Variants in NF1 observed in about 807,000 individuals in gnomAD.
NF1 encodes neurofibromin 1.
Under a neutral mutation model 325.7 loss-of-function variants are expected in NF1, and 122 were observed. The ratio of observed to expected loss-of-function variants is 0.37; its 90% CI spans 0.32 to 0.44. The LOEUF (loss-of-function observed/expected upper bound fraction) is 0.44. Ranked by LOEUF, NF1 falls within the 20% of genes least tolerant of loss-of-function variation. NF1 has a pLI of 1.00. For missense variants in NF1, 2,140 were observed against 3,415.4 expected (o/e 0.63, Z 9.31); for synonymous variants, 1,091 against 1,186.0 (o/e 0.92, Z 1.65).
rs539752081 is a variant in NF1, at chr17:31,126,011, C to A, written c.61-29972C>A. On this transcript the variant is annotated intron_variant, in intron 1 of 57. Coordinates refer to ENST00000358273, the MANE Select transcript of NF1 (RefSeq NM_001042492.3). The stretch of plus-strand genomic sequence containing the variant: ...GCCAGCCTGGCCAACGTGGTAAAAC[C>A]CGGTCTCTACTAAAAAATACAAAAA... 2.6e-4 allele frequency among the ~76,000 whole-genome samples: 39 copies of A among 152,146 alleles called. 1 individual carries two copies. In the South Asian group the frequency reaches 8.1e-3, roughly 32 times the overall value.
chr17:31,142,798 C>T (rs1221472457), intron 1 of NF1, among the ~76,000 whole-genome samples: 4 of 151,104 alleles, frequency 2.6e-5, no homozygotes, highest in African/African-American at 9.8e-5. Flanking sequence ...ACCCGGGAGG[C>T]GGAGCTTGCA....
chr17:31,227,216 AG>A lies in NF1; in HGVS notation c.2252del, dbSNP rs1597713259. ...ACTTGATTTGCTGTTGTATTTGCTT[AG>A]GAAGAGCAGCACTTCAGAAAAGAGT... is the stretch of plus-strand genomic sequence containing the variant. On this transcript the variant is annotated splice_acceptor_variant, in intron 18 of 57. Coordinates refer to ENST00000358273, the MANE Select transcript of NF1 (RefSeq NM_001042492.3). LOFTEE classifies it high-confidence loss of function. 6.2e-7 allele frequency: 1 copy of A among 1,613,624 alleles called. No individual in the cohort carries two copies. Among genetic ancestry groups the A allele is most frequent in the Non-Finnish European group, 8.5e-7 (1 of 1,179,614 alleles).
At chr17:31,253,264 ATT>A (rs2067525100) in intron 31 of NF1, 1 of 381,696 alleles carries the variant, frequency 2.6e-6, no homozygotes, top group African/African-American at 2.0e-5. Flanking sequence ...TAATTTTATT[ATT>A]GTTACTTTTT....
chr17:31,319,659 C>T (rs2151528703), intron 36 of NF1, among the ~76,000 whole-genome samples: 1 of 150,048 alleles, frequency 6.7e-6, no homozygotes, highest in East Asian at 1.9e-4. Context: ...CGCAATTTTA[C>T]TGTGGTGGTT....
At chr17:31,345,102 G>A (rs1331225821) in intron 48 of NF1, among the ~76,000 whole-genome samples, 1 of 152,176 alleles carries the variant, frequency 6.6e-6, no homozygotes, top group Admixed American at 6.5e-5. Flanking sequence ...CAGCCTTTGT[G>A]ACAGAGTGAC....
intron 36 of NF1, among the ~76,000 whole-genome samples, chr17:31,278,391 T>C (rs1225447711): frequency 7.4e-6 from 1 of 135,232 alleles, no homozygotes. Context: ...TTCTTTGGTC[T>C]TTTTGGATTT....
At chr17:31,258,158 T>C (rs1007009876) in intron 31 of NF1, among the ~76,000 whole-genome samples, 186 bp from the exon 32 acceptor site, 25 of 152,184 alleles carry the variant, frequency 1.6e-4, no homozygotes, top group African/African-American at 5.3e-4. Flanking sequence ...TAATATGATA[T>C]AAGACTAGAA....
intron 5 of NF1, among the ~76,000 whole-genome samples, chr17:31,172,281 G>C (rs1169380773): frequency 1.3e-5 from 2 of 152,082 alleles, no homozygotes; most frequent in Non-Finnish European, 2.9e-5. Flanking sequence ...AGTAAGCTGT[G>C]ATTGTGCCAC....
intron 39 of NF1, 78 bp from the exon 40 acceptor site, chr17:31,334,760 C>G: frequency 8.4e-7 from 1 of 1,188,294 alleles, no homozygotes; most frequent in Non-Finnish European, 1.2e-6. Context: ...ACCATTTTTT[C>G]CCCGAATTCT....
chr17:31,226,013 C>A (rs553645675), intron 17 of NF1, among the ~76,000 whole-genome samples: 100 of 152,202 alleles, frequency 6.6e-4, no homozygotes, highest in African/African-American at 2.3e-3. Context: ...TTTATTACTT[C>A]CCTATAGCAA....
In NF1 at chr17:31,235,903, C is replaced by T. The variant is rs200104394; in HGVS notation, c.3871-15C>T. The T allele has an allele frequency of 1.3e-4, 213 of 1,609,868 alleles. No homozygotes were observed. Among genetic ancestry groups the T allele is most frequent in the Middle Eastern group, 1.7e-4 (1 of 6,054 alleles). On this transcript the variant is annotated splice_polypyrimidine_tract_variant and intron_variant, in intron 28 of 57. Coordinates refer to ENST00000358273, the MANE Select transcript of NF1 (RefSeq NM_001042492.3). ...GGAGCAGGTATAATAAACTCCTATT[C>T]GTGCATTTCTGTAGGTATATGGTGC...
In NF1 at chr17:31,098,933, G is replaced by GAAAAACA. The variant is rs1555595437; in HGVS notation, c.60+3569_60+3570insCAAAAAA. On this transcript the variant is annotated intron_variant, in intron 1 of 57. Transcript: ENST00000358273. ...GGTGACAGAGCGAGACTCCATCTCAGAAAAAAAAAAAAAAAAAAAGAATCT... is the reference window on the plus strand; with the variant it reads ...GGTGACAGAGCGAGACTCCATCTCAGAAAAACAAAAAAAAAAAAAAAAAAAAGAATCT... Among the ~76,000 whole-genome samples, 25 of 100,386 alleles carry GAAAAACA rather than the reference G, an allele frequency of 2.5e-4. 1 individual carries two copies. The highest frequency in any genetic ancestry group is 1.8e-5 in the Non-Finnish European group (1 of 55,480). 65.9% of individuals were successfully genotyped at this position (100,386 alleles called of 152,430 possible).
rs531752895 is a variant in NF1 at position 31,190,329 on chromosome 17, A to G, written c.888+7664A>G. ...TACTCACATTCCTTCTGAGCTGGTT[A>G]GTGTTATTGGCTGGTATGTATCCTT... On this transcript the variant is annotated intron_variant, in intron 8 of 57. Transcript: ENST00000358273. Among the ~76,000 whole-genome samples the G allele has an allele frequency of 4.5e-3, 678 of 152,318 alleles. 6 individuals are homozygous for G. Among genetic ancestry groups the G allele is most frequent in the African/African-American group, 0.016 (647 of 41,566 alleles).
intron 2 of NF1, among the ~76,000 whole-genome samples, chr17:31,156,569 C>G (rs747215063): frequency 1.3e-5 from 2 of 152,142 alleles, no homozygotes; most frequent in Non-Finnish European, 2.9e-5. Flanking sequence ...TCTCATAGTC[C>G]TAAAATGTGG....
intron 3 of NF1, among the ~76,000 whole-genome samples, chr17:31,162,678 A>G (rs1270833470): frequency 2.0e-5 from 3 of 152,236 alleles, no homozygotes; most frequent in African/African-American, 7.2e-5. Context: ...GAAGTATTCT[A>G]TTTATAATTT....
intron 57 of NF1, among the ~76,000 whole-genome samples, chr17:31,372,891 C>CTGT (rs2070671205): frequency 6.6e-6 from 1 of 152,106 alleles, no homozygotes. Context: ...TGGCATGCAC[C>CTGT]TGTAGTCCTA....
intron 4 of NF1, among the ~76,000 whole-genome samples, chr17:31,166,596 G>C (rs1470869873): frequency 6.6e-6 from 1 of 152,144 alleles, no homozygotes; most frequent in East Asian, 1.9e-4. Context: ...ACTCTTAGAA[G>C]GTAAACAGCT....
At chr17:31,293,152 T>TG (rs2068378330) in intron 36 of NF1, among the ~76,000 whole-genome samples, 1 of 111,136 alleles carries the variant, frequency 9.0e-6, no homozygotes, top group Admixed American at 1.4e-4. Flanking sequence ...CACTCCAGCC[T>TG]GGGGGATAAG....
At chr17:31,211,575 G>A (rs573482528) in intron 12 of NF1, among the ~76,000 whole-genome samples, 24 of 152,248 alleles carry the variant, frequency 1.6e-4, no homozygotes, top group African/African-American at 5.8e-4. Flanking sequence ...AACCTAGATG[G>A]TTATATAGCC....
Sources: gnomAD v4.1 joint callset for allele counts (sites outside exome capture counted in the v4.1 genomes callset) on GRCh38, gnomAD v4.1.1 for gene constraint, MANE v1.5 for transcripts, NCBI Gene and HGNC (gene_info 2026-07-23, HGNC 2026-07-21) for gene names.